Variants in TMTC4 observed in about 807,000 individuals in gnomAD.
The protein encoded by TMTC4 is protein O-mannosyl-transferase TMTC4.
Under a neutral mutation model 86.0 loss-of-function variants are expected in TMTC4, and 65 were observed. The observed-to-expected ratio is 0.76, with a 90% CI of 0.62 to 0.93. TMTC4 has a LOEUF of 0.93. Ranked by LOEUF, TMTC4 falls within the 40% of genes least tolerant of loss-of-function variation. The pLI, the probability that TMTC4 is intolerant of heterozygous loss-of-function variation, is 0.00. For missense variants in TMTC4, 866 were observed against 948.1 expected (o/e 0.91, Z 1.14); for synonymous variants, 379 against 382.5 (o/e 0.99, Z 0.11).
chr13:100,637,481 T>C (rs1326570316), intron 9 of TMTC4, 57 bp downstream of exon 9: 1 of 1,558,604 alleles, frequency 6.4e-7, no homozygotes, highest in South Asian at 1.2e-5. Context: ...GGGTGAGGGA[T>C]CTGGGAATCT....
At chr13:100,610,157 G>A (rs1304583141) in intron 17 of TMTC4, among the ~76,000 whole-genome samples, 1 of 152,172 alleles carries the variant, frequency 6.6e-6, no homozygotes, top group Admixed American at 6.5e-5. Flanking sequence ...GCAAGTGCTT[G>A]GGTAAAAAGT....
intron 1 of TMTC4, chr13:100,673,987 C>CT: frequency 1.0e-6 from 1 of 981,400 alleles, no homozygotes; most frequent in Non-Finnish European, 1.2e-6. Flanking sequence ...GATCGTTCCT[C>CT]TAACTCCTCC....
chr13:100,667,376 C>T (rs1459765893), intron 3 of TMTC4, among the ~76,000 whole-genome samples: 1 of 152,058 alleles, frequency 6.6e-6, no homozygotes, highest in East Asian at 1.9e-4. Flanking sequence ...TTGTAGTGAG[C>T]CAAAATCGTG....
chr13:100,656,508 A>G, intron 5 of TMTC4, 40 bp from the exon 6 acceptor site: 1 of 1,365,878 alleles, frequency 7.3e-7, no homozygotes, highest in Non-Finnish European at 1.0e-6. Flanking sequence ...TACATAAAAC[A>G]CATTTAAGGA....
intron 6 of TMTC4, among the ~76,000 whole-genome samples, chr13:100,650,962 A>C (rs1283227): frequency 0.71 from 108,569 of 152,198 alleles, 39,794 homozygotes; most frequent in East Asian, 0.99. Context: ...ATACAGCTTA[A>C]GGTGAACTAT....
intron 2 of TMTC4, 73 bp from the exon 3 acceptor site, chr13:100,668,867 T>A: frequency 7.1e-7 from 1 of 1,413,670 alleles, no homozygotes; most frequent in Non-Finnish European, 9.8e-7. Context: ...GCACCGTGAG[T>A]AAGAGCTAGA....
At chr13:100,649,941 A>G (rs941730359) in intron 6 of TMTC4, among the ~76,000 whole-genome samples, 16 of 152,252 alleles carry the variant, frequency 1.1e-4, no homozygotes, top group African/African-American at 3.8e-4. Flanking sequence ...TTTATTCAGA[A>G]AAATCTTCCC....
intron 12 of TMTC4, among the ~76,000 whole-genome samples, chr13:100,631,516 C>T (rs1439151795): frequency 1.3e-5 from 2 of 152,182 alleles, no homozygotes; most frequent in African/African-American, 4.8e-5. Flanking sequence ...ATCTCATCCA[C>T]AGTAGTCTCA....
chr13:100,652,018 C>T (rs1034623891), intron 6 of TMTC4, among the ~76,000 whole-genome samples: 3 of 152,160 alleles, frequency 2.0e-5, no homozygotes, highest in East Asian at 3.8e-4. Context: ...GCTTTTTGTA[C>T]AATTTGTACT....
chr13:100,670,455 C>A lies in TMTC4; in HGVS notation c.-93G>T. 1 of 1,389,436 alleles carries A rather than the reference C, an allele frequency of 7.2e-7. No homozygotes were observed. The highest frequency in any genetic ancestry group is 1.3e-5 in the South Asian group (1 of 75,048). 86.1% of individuals were successfully genotyped at this position (1,389,436 alleles called of 1,614,324 possible). A position where few individuals can be genotyped will look rare whatever the true frequency, so the allele number is the denominator to read the frequency against. Reference sequence around the variant, plus strand: ...AGGCCGCAACTCTTCCACTGCTTGTCTCTCGAGCCTCACAGCCTGGCATAC... The same window carrying A: ...AGGCCGCAACTCTTCCACTGCTTGTATCTCGAGCCTCACAGCCTGGCATAC... On this transcript the variant is annotated 5_prime_UTR_variant, in exon 2 of 19. Transcript: ENST00000342624.
At chr13:100,634,687 A>G (rs1218631435) in intron 12 of TMTC4, 118 bp downstream of exon 12, 4 of 1,274,276 alleles carry the variant, frequency 3.1e-6, no homozygotes, top group Non-Finnish European at 4.2e-6. Flanking sequence ...GAAAAACCCA[A>G]GTATTCGGTC....
intron 9 of TMTC4, 39 bp downstream of exon 9, chr13:100,637,499 G>A: frequency 6.3e-7 from 1 of 1,576,416 alleles, no homozygotes; most frequent in Non-Finnish European, 8.6e-7. Context: ...TCTGGTGGGG[G>A]AAGAAAAGAG....
Position 100,606,445 on chromosome 13 carries a change from T to C in TMTC4, c.2065-18A>G. 2 of 1,600,152 alleles carry C rather than the reference T, an allele frequency of 1.2e-6. No individual in the cohort carries two copies. Among genetic ancestry groups the C allele is most frequent in the East Asian group, 4.5e-5 (2 of 44,784 alleles). On this transcript the variant is annotated intron_variant, in intron 17 of 18. Coordinates refer to ENST00000342624, the MANE Select transcript of TMTC4 (RefSeq NM_032813.5). ...TCAGATTCCTAAAAAATGAGAAACA[T>C]AAAAAGGAAGATATTTATTGTACAT... is the stretch of plus-strand genomic sequence containing the variant.
chr13:100,614,416 A>G lies in TMTC4; in HGVS notation c.1851T>C (p.Asn617=). Residue 617 remains asparagine (N), a synonymous_variant, in exon 16 of 19, where the codon AAT becomes AAC. Transcript: ENST00000342624. Reference sequence around the variant, plus strand: ...ACGCATTCAAGGCATCCACGTGGCGATTGAGATCTGCATACTGAAAATAAA... The same window carrying G: ...ACGCATTCAAGGCATCCACGTGGCGGTTGAGATCTGCATACTGAAAATAAA... The part of the protein sequence containing the change: ...YNLGRLYADL[N]RHVDALNAWR... 1 of 1,613,272 alleles carries G rather than the reference A, an allele frequency of 6.2e-7. No individual in the cohort carries two copies. The highest frequency in any genetic ancestry group is 8.5e-7 in the Non-Finnish European group (1 of 1,179,670).
intron 3 of TMTC4, among the ~76,000 whole-genome samples, chr13:100,667,297 G>A (rs549551948): frequency 6.6e-6 from 1 of 152,224 alleles, no homozygotes; most frequent in Admixed American, 6.5e-5. Flanking sequence ...AGCCAGGCAT[G>A]TGATGCCTGT....
rs17475633 is a variant in TMTC4, at chr13:100,639,115, T to C, written c.742-1093A>G. Among the ~76,000 whole-genome samples, 997 of 152,308 alleles carry C rather than the reference T, an allele frequency of 6.5e-3. 10 individuals carry two copies. The highest frequency in any genetic ancestry group is 9.2e-3 in the Non-Finnish European group (625 of 68,032). On this transcript the variant is annotated intron_variant, in intron 7 of 18. Transcript: ENST00000342624. Reference sequence around the variant, plus strand: ...GCAGTCTGCACATACTCAGTGGATATTGTTAAAGCTGCCCCTAAATGACTT... The same window carrying C: ...GCAGTCTGCACATACTCAGTGGATACTGTTAAAGCTGCCCCTAAATGACTT...
At chr13:100,629,583 G>C (rs531709871) in intron 12 of TMTC4, among the ~76,000 whole-genome samples, 7 of 152,192 alleles carry the variant, frequency 4.6e-5, no homozygotes, top group Non-Finnish European at 5.9e-5. Context: ...GGGAAGATGA[G>C]GGTGACTGCT....
intron 16 of TMTC4, 72 bp downstream of exon 16, chr13:100,614,244 A>G: frequency 2.7e-6 from 3 of 1,131,120 alleles, no homozygotes; most frequent in South Asian, 1.5e-5. Flanking sequence ...AATAATCTCT[A>G]TTTCCTAAGT....
chr13:100,664,904 G>A (rs1886222502), intron 3 of TMTC4, among the ~76,000 whole-genome samples: 1 of 152,168 alleles, frequency 6.6e-6, no homozygotes, highest in South Asian at 2.1e-4. Flanking sequence ...TACAGAAGGT[G>A]CTTAATACGT....
Sources: gnomAD v4.1 joint callset for allele counts (sites outside exome capture counted in the v4.1 genomes callset) on GRCh38, gnomAD v4.1.1 for gene constraint, MANE v1.5 for transcripts, NCBI Gene and HGNC (gene_info 2026-07-23, HGNC 2026-07-21) for gene names.